GFI1: variants seen among roughly 807,000 people sequenced by gnomAD.
GFI1 encodes zinc finger protein Gfi-1.
In GFI1, 15 loss-of-function variants were observed where a neutral mutation model predicts 39.2. The ratio of observed to expected loss-of-function variants is 0.38; its 90% CI spans 0.26 to 0.59. The LOEUF (loss-of-function observed/expected upper bound fraction) is 0.59, where lower values mean the gene tolerates loss of function less well. Among genes scored for constraint, GFI1 ranks in the 20% least tolerant of loss-of-function variants. The probability of loss-of-function intolerance (pLI) is 0.62; values close to 1 mark genes in which losing one functional copy is unlikely to be tolerated. For missense variants in GFI1, 475 were observed against 574.0 expected (o/e 0.83, Z 1.76); for synonymous variants, 239 against 254.3 (o/e 0.94, Z 0.57).
rs1466520923 is a variant in GFI1, at chr1:92,482,086, C to T, written c.298+778G>A. Among the ~76,000 whole-genome samples, 1 of 152,158 alleles carries T rather than the reference C, an allele frequency of 6.6e-6. No individual in the cohort carries two copies. ...CTGGCAGGAAGAATCCTCCCGCCGC[C>T]GGCTCCCAGACACACTTGCTGGAGC... is the stretch of plus-strand genomic sequence containing the variant. On this transcript the variant is annotated intron_variant, in intron 3 of 6. Coordinates refer to ENST00000294702, the MANE Select transcript of GFI1 (RefSeq NM_005263.5). The surrounding 1 kb of genome is among the most constrained non-coding windows in gnomAD (Gnocchi z 4.4).
At chr1:92,478,928 C>T (rs1352593513) in intron 5 of GFI1, among the ~76,000 whole-genome samples, 175 bp from the exon 6 acceptor site, 1 of 152,112 alleles carries the variant, frequency 6.6e-6, no homozygotes, top group Non-Finnish European at 1.5e-5. Context: ...TGCAGTGGAA[C>T]GATCTCAGTT....
At position 92,480,335 on chromosome 1, in the gene GFI1, G is replaced by C. The variant is rs745901225; in HGVS notation, c.924+13C>G. 2 of 1,546,662 alleles carry C rather than the reference G, an allele frequency of 1.3e-6. No individual in the cohort carries two copies. Among genetic ancestry groups the C allele is most frequent in the Admixed American group, 3.9e-5 (2 of 50,970 alleles). ...CGAGCAGGGCCGCGCGCGGCGGTGC[G>C]CCCCGCGCTTACCTGCGAGTGCACG... is the stretch of plus-strand genomic sequence containing the variant. On this transcript the variant is annotated intron_variant, in intron 5 of 6. Transcript: ENST00000294702. This position sits in a 1 kb window ranked among gnomAD's most constrained non-coding sequence, Gnocchi z 5.6.
In GFI1 at chr1:92,474,135, G is replaced by C. The variant is rs1209767256; in HGVS notation, c.*1894C>G. Reference sequence around the variant, plus strand: ...TTGACTTATGCAAAAAACTCCCACAGGTGGGACAGAACCAGAAATAACCCA... The same window carrying C: ...TTGACTTATGCAAAAAACTCCCACACGTGGGACAGAACCAGAAATAACCCA... On this transcript the variant is annotated 3_prime_UTR_variant, in exon 7 of 7. Coordinates refer to ENST00000294702, the MANE Select transcript of GFI1 (RefSeq NM_005263.5). 6.6e-6 allele frequency among the ~76,000 whole-genome samples: 1 copy of C among 152,214 alleles called. No homozygotes were observed. Among genetic ancestry groups the C allele is most frequent in the African/African-American group, 2.4e-5 (1 of 41,448 alleles).
rs1343963565 is a variant in GFI1, at chr1:92,480,209, G to T, written c.924+139C>A. 1.1e-6 allele frequency: 1 copy of T among 942,788 alleles called. No individual in the cohort carries two copies. Among genetic ancestry groups the T allele is most frequent in the Non-Finnish European group, 1.6e-6 (1 of 617,616 alleles). The allele number at this position is 942,788 out of a possible 1,614,324, so 58.4% of individuals were successfully genotyped here. A position where few individuals can be genotyped will look rare whatever the true frequency, so the allele number is the denominator to read the frequency against. On this transcript the variant is annotated intron_variant, in intron 5 of 6. Transcript: ENST00000294702. The surrounding 1 kb of genome is among the most constrained non-coding windows in gnomAD (Gnocchi z 5.6). ...CTACACACCTGCACCAGGGCAAGGG[G>T]ACGCAGCGGAGGGCTTGGGGGAGGA...
chr1:92,483,349 G>A (rs749600503), intron 2 of GFI1, 24 bp downstream of exon 2: 4 of 1,353,666 alleles, frequency 3.0e-6, no homozygotes, highest in African/African-American at 3.3e-5. Context: ...GAGCAGCCCC[G>A]CCTGGCCCGC....
chr1:92,478,726 C>A lies in GFI1; in HGVS notation c.952G>T (p.Gly318Trp). 1 of 1,602,722 alleles carries A rather than the reference C, an allele frequency of 6.2e-7. No homozygotes were observed. Residue 318 changes from glycine (G) to tryptophan (W), a missense_variant, in exon 6 of 7, where the codon GGG becomes TGG. This residue lies in a region of GFI1 where 112 missense variants were observed against 202.8 expected (regional missense o/e 0.55). Transcript: ENST00000294702. ...GTGGATGACCTCTTGAAGCTCTTCC[C>A]ACAGATCTTACAGTCAAAGCTCCGT... ...QERSFDCKIC[G>W]KSFKRSSTLS...
At position 92,483,037 on chromosome 1, in the gene GFI1, G is replaced by C. The variant is rs1481326050; in HGVS notation, c.125C>G (p.Ser42Ter). 6.3e-7 allele frequency: 1 copy of C among 1,593,588 alleles called. No individual in the cohort carries two copies. The highest frequency in any genetic ancestry group is 2.2e-5 in the East Asian group (1 of 44,644). The change falls in exon 3 of 7, where the codon TCA becomes TGA. Residue 42 changes from serine to a stop codon, truncating the protein, a stop_gained. Coordinates refer to ENST00000294702, the MANE Select transcript of GFI1 (RefSeq NM_005263.5). LOFTEE classifies it high-confidence loss of function. ...CTCCGCCTTCGCCCCGCCTGCATTT[G>C]AAGTGCTGTCTGCAAAGAGGAGGCA... is the stretch of plus-strand genomic sequence containing the variant. ...VPAPSRADST[S>*]NAGGAKAEPR...
At position 92,478,438 on chromosome 1, in the gene GFI1, G is replaced by T. The variant is rs545888848; in HGVS notation, c.1090+150C>A. On this transcript the variant is annotated intron_variant, in intron 6 of 6. Coordinates refer to ENST00000294702, the MANE Select transcript of GFI1 (RefSeq NM_005263.5). ...GAATTATGCCGGTAAATGAACCAAA[G>T]AACCCACCCCTTTGTTTTCTTTAAC... 2.6e-4 allele frequency: 190 copies of T among 726,110 alleles called. 1 individual carries two copies. In the African/African-American group the frequency reaches 3.0e-3, roughly 11 times the overall value. The allele number at this position is 726,110 out of a possible 1,614,324, so 45.0% of individuals were successfully genotyped here.
In GFI1 at chr1:92,481,556, C is replaced by A. The variant is rs1051552114; in HGVS notation, c.299-468G>T. Among the ~76,000 whole-genome samples the A allele has an allele frequency of 1.3e-5, 2 of 152,222 alleles. No homozygotes were observed. Among genetic ancestry groups the A allele is most frequent in the Admixed American group, 1.3e-4 (2 of 15,284 alleles). On this transcript the variant is annotated intron_variant, in intron 3 of 6. Coordinates refer to ENST00000294702, the MANE Select transcript of GFI1 (RefSeq NM_005263.5). This position sits in a 1 kb window ranked among gnomAD's most constrained non-coding sequence, Gnocchi z 4.3. Reference sequence around the variant, plus strand: ...CTCCCAGCCCCTACATGTTCCCATTCAATTCTTTTTCTTCCCAGAATCCAA... The same window carrying A: ...CTCCCAGCCCCTACATGTTCCCATTAAATTCTTTTTCTTCCCAGAATCCAA...
Position 92,480,645 on chromosome 1 carries a change from G to C in GFI1, c.742C>G (p.Leu248Val), listed in dbSNP as rs1450096779. 3.1e-6 allele frequency: 5 copies of C among 1,589,760 alleles called. No homozygotes were observed. The highest frequency in any genetic ancestry group is 4.3e-6 in the Non-Finnish European group (5 of 1,174,480). Residue 248 changes from leucine (L) to valine (V), a missense_variant, in exon 4 of 7, where the codon CTG becomes GTG. Physicochemically the swap from Leu to Val is conservative, Grantham distance 32 (BLOSUM62 1). Transcript: ENST00000294702. The surrounding 1 kb of genome is among the most constrained non-coding windows in gnomAD (Gnocchi z 5.6). ...TTGTAGGAGCCGCCGCCCAGCAGCA[G>C]GCGGGTGCACAGCAGCTCCGACTCC... ...KVESELLCTR[L>V]LLGGGSYKCI...
At position 92,482,780 on chromosome 1, in the gene GFI1, C is replaced by G; in HGVS notation, c.298+84G>C. On this transcript the variant is annotated intron_variant, in intron 3 of 6. Transcript: ENST00000294702. This position sits in a 1 kb window ranked among gnomAD's most constrained non-coding sequence, Gnocchi z 4.4. ...ACTCTCCAACTCCCCGTTAGCATTTCTACGCCCAAGGTCGCGCCAATTCCC... is the reference window on the plus strand; with the variant it reads ...ACTCTCCAACTCCCCGTTAGCATTTGTACGCCCAAGGTCGCGCCAATTCCC... 1 of 1,091,402 alleles carries G rather than the reference C, an allele frequency of 9.2e-7. No homozygotes were observed. The highest frequency in any genetic ancestry group is 1.3e-5 in the South Asian group (1 of 78,700). 67.6% of individuals were successfully genotyped at this position (1,091,402 alleles called of 1,614,324 possible). A position where few individuals can be genotyped will look rare whatever the true frequency, so the allele number is the denominator to read the frequency against.
In GFI1 at chr1:92,482,270, T is replaced by C. The variant is rs1250082307; in HGVS notation, c.298+594A>G. On this transcript the variant is annotated intron_variant, in intron 3 of 6. Transcript: ENST00000294702. This position sits in a 1 kb window ranked among gnomAD's most constrained non-coding sequence, Gnocchi z 4.4. ...ACTCGAGACGCCCCCACCCAACGTG[T>C]GGTCACTTAGTTTGCCTGAAGCTGG... Among the ~76,000 whole-genome samples, 1 of 152,058 alleles carries C rather than the reference T, an allele frequency of 6.6e-6. No individual in the cohort carries two copies.
intron 5 of GFI1, among the ~76,000 whole-genome samples, 153 bp from the exon 6 acceptor site, chr1:92,478,906 C>G (rs1658094586): frequency 6.6e-6 from 1 of 152,164 alleles, no homozygotes; most frequent in South Asian, 2.1e-4. Context: ...TCCTCTGTCG[C>G]CCAGGCTTGA....
At chr1:92,486,146 A>C (rs1658517859) in intron 1 of GFI1, 1 of 151,336 alleles carries the variant, frequency 6.6e-6, no homozygotes, top group African/African-American at 2.4e-5. Context: ...CCAAAACCAC[A>C]AGCTTCACTT....
intron 1 of GFI1, among the ~76,000 whole-genome samples, chr1:92,486,523 G>GCCC (rs150037086): frequency 1.2e-4 from 12 of 97,986 alleles, no homozygotes; most frequent in South Asian, 3.7e-4. Flanking sequence ...TCGGTCACCC[G>GCCC]CCCCCCCCAC....
chr1:92,474,534 C>T lies in GFI1; in HGVS notation c.*1495G>A, dbSNP rs956234584. Among the ~76,000 whole-genome samples, 1 of 152,192 alleles carries T rather than the reference C, an allele frequency of 6.6e-6. No homozygotes were observed. Among genetic ancestry groups the T allele is most frequent in the Non-Finnish European group, 1.5e-5 (1 of 68,036 alleles). On this transcript the variant is annotated 3_prime_UTR_variant, in exon 7 of 7. Coordinates refer to ENST00000294702, the MANE Select transcript of GFI1 (RefSeq NM_005263.5). ...CAAGGTAGTAGCTTAGTTTTGTACA[C>T]CTCCTAGTTTTTCTCTTATGAAAGA...
rs1272476055 is a variant in GFI1, at chr1:92,480,442, G to C, written c.830C>G (p.Ser277Cys). Residue 277 changes from serine to cysteine, a missense_variant, in exon 5 of 7, where the codon TCC becomes TGC. Coordinates refer to ENST00000294702, the MANE Select transcript of GFI1 (RefSeq NM_005263.5). This position sits in a 1 kb window ranked among gnomAD's most constrained non-coding sequence, Gnocchi z 5.6. ...GGCAAAGGGTCTGGTACCGCTGTGGGACCTGCGCACGTGCACCTCGAGCCC... is the reference window on the plus strand; with the variant it reads ...GGCAAAGGGTCTGGTACCGCTGTGGCACCTGCGCACGTGCACCTCGAGCCC... ...PHGLEVHVRR[S>C]HSGTRPFACE... is the part of the protein sequence containing the mutation. The C allele has an allele frequency of 1.3e-6, 2 of 1,550,274 alleles. No individual in the cohort carries two copies. The highest frequency in any genetic ancestry group is 1.4e-5 in the African/African-American group (1 of 73,028).
rs550110188 is a variant in GFI1, at chr1:92,484,074, C to T, written c.-99-488G>A. On this transcript the variant is annotated intron_variant, in intron 1 of 6. Coordinates refer to ENST00000294702, the MANE Select transcript of GFI1 (RefSeq NM_005263.5). The surrounding 1 kb of genome is among the most constrained non-coding windows in gnomAD (Gnocchi z 4.1). ...CCCGGAAGGGGCAAGGAGCCAAGAC[C>T]TCCAAGAGCCAGCTACCAACTGGAG... The T allele has an allele frequency of 6.0e-5, 11 of 184,452 alleles. No homozygotes were observed. In the South Asian group the frequency reaches 1.2e-3, roughly 20 times the overall value. 11.4% of individuals were successfully genotyped at this position (184,452 alleles called of 1,614,324 possible). A position where few individuals can be genotyped will look rare whatever the true frequency, so the allele number is the denominator to read the frequency against.
chr1:92,482,908 TC>T lies in GFI1; in HGVS notation c.253del (p.Glu85SerfsTer113). 1 of 1,614,056 alleles carries T rather than the reference TC, an allele frequency of 6.2e-7. No homozygotes were observed. The highest frequency in any genetic ancestry group is 8.5e-7 in the Non-Finnish European group (1 of 1,180,006). Reference protein sequence around the residue: ...CEGSVCERSSEFEDFWRPPSP... With the variant: ...CEGSVCERSSXFEDFWRPPSP... ...CGGGGGCCTCCAGAAGTCCTCAAAC[TC>T]CGAGCTCCGTTCGCAGACGCTGCCT... On this transcript the variant is annotated frameshift_variant, in exon 3 of 7. Coordinates refer to ENST00000294702, the MANE Select transcript of GFI1 (RefSeq NM_005263.5). LOFTEE classifies it high-confidence loss of function. This position sits in a 1 kb window ranked among gnomAD's most constrained non-coding sequence, Gnocchi z 4.4.
Sources: gnomAD v4.1 joint callset for allele counts (sites outside exome capture counted in the v4.1 genomes callset) on GRCh38, gnomAD v4.1.1 for gene constraint, gnomAD v4.1.1 regional missense constraint, Gnocchi (gnomAD v3.1) non-coding constraint, MANE v1.5 for transcripts, NCBI Gene and HGNC (gene_info 2026-07-23, HGNC 2026-07-21) for gene names.